The following DEGS2 variants were observed in gnomAD, a reference collection of about 807,000 sequenced individuals.
The protein encoded by DEGS2 is sphingolipid delta(4)-desaturase/C4-monooxygenase DES2.
Under a neutral mutation model 23.8 loss-of-function variants are expected in DEGS2, and 19 were observed. The ratio of observed to expected loss-of-function variants is 0.80; its 90% confidence interval spans 0.56 to 1.17. The LOEUF (loss-of-function observed/expected upper bound fraction) is 1.17, where lower values mean the gene tolerates loss of function less well. DEGS2 is among the 50% of genes most tolerant of loss of function. The pLI, the probability that DEGS2 is intolerant of heterozygous loss-of-function variation, is 0.00. For synonymous variants in DEGS2, 218 were observed against 213.7 expected (o/e 1.02, Z -0.18); for missense variants, 390 against 459.5 (o/e 0.85, Z 1.38).
chr14:100,153,452 TG>T (rs1245324410), intron 1 of DEGS2, among the ~76,000 whole-genome samples: 1 of 152,096 alleles, frequency 6.6e-6, no homozygotes, highest in African/African-American at 2.4e-5. Context: ...TCCATGGCCT[TG>T]GGCCCCATCT....
At chr14:100,163,225 T>G (rs879503345), upstream of DEGS2, among the ~76,000 whole-genome samples, 1 of 152,244 alleles carries the variant, frequency 6.6e-6, no homozygotes, top group Non-Finnish European at 1.5e-5. Context: ...GTGGATTATC[T>G]GAGGTCAGGA....
At chr14:100,152,966 A>G (rs1190683671) in intron 1 of DEGS2, among the ~76,000 whole-genome samples, 1 of 152,158 alleles carries the variant, frequency 6.6e-6, no homozygotes, top group Admixed American at 6.5e-5. Context: ...ATAGATCGAT[A>G]TATCGATTGA....
rs1043804447 is a variant in DEGS2 at position 100,157,947 on chromosome 14, T to A, written c.82+1559A>T. ...TACTACAAATACAAAATTAGCCGGG[T>A]GTGGTGGCGGGTGCCTGTAATCCCA... On this transcript the variant is annotated intron_variant, in intron 1 of 2. Transcript: ENST00000305631. Among the ~76,000 whole-genome samples the A allele has an allele frequency of 1.6e-4, 24 of 150,638 alleles. 1 individual carries two copies. The South Asian group carries it at 5.1e-3, about 32-fold the overall frequency.
chr14:100,166,328 T>A, the DEGS2 span, among the ~76,000 whole-genome samples: 8,292 of 19,950 alleles, frequency 0.42, 1,598 homozygotes, highest in South Asian at 0.44. Context: ...TGCCCGGGGC[T>A]GTGGGGGAGC....
intron 1 of DEGS2, among the ~76,000 whole-genome samples, chr14:100,156,203 G>A (rs1889655054): frequency 6.6e-6 from 1 of 152,268 alleles, no homozygotes; most frequent in African/African-American, 2.4e-5. Context: ...GCTGGGTGGG[G>A]CAGGAGGCTG....
intron 1 of DEGS2, among the ~76,000 whole-genome samples, chr14:100,159,027 G>A (rs1225770837): frequency 6.6e-6 from 1 of 152,162 alleles, no homozygotes; most frequent in Non-Finnish European, 1.5e-5. Flanking sequence ...GCGCTCATCC[G>A]CCCTGAACTC....
upstream of DEGS2, among the ~76,000 whole-genome samples, chr14:100,161,650 G>T (rs563909778): frequency 6.6e-6 from 1 of 152,254 alleles, no homozygotes; most frequent in East Asian, 1.9e-4. Context: ...ATCAATATTG[G>T]TCCATCAAAG....
rs1210911915 is a variant in DEGS2 at position 100,144,079 on chromosome 14, C to T, written c.*2682G>A. The stretch of plus-strand genomic sequence containing the variant: ...GTTTTCTCCCAGGTGACGCTGTTAG[C>T]GCCTCAGCTGGCGGTGACAGCCGGC... On this transcript the variant is annotated 3_prime_UTR_variant, in exon 3 of 3. Transcript: ENST00000305631. The T allele has an allele frequency of 3.1e-5, 11 of 360,548 alleles. No individual in the cohort carries two copies. Among genetic ancestry groups the T allele is most frequent in the East Asian group, 1.2e-4 (2 of 17,004 alleles). 22.3% of individuals were successfully genotyped at this position (360,548 alleles called of 1,614,324 possible). A position where few individuals can be genotyped will look rare whatever the true frequency, so the allele number is the denominator to read the frequency against.
In DEGS2 at chr14:100,149,171, G is replaced by A. The variant is rs1889514126; in HGVS notation, c.622C>T (p.Pro208Ser). The change falls in exon 2 of 3, where the codon CCC (proline) becomes TCC (serine). Residue 208 changes from proline (P) to serine (S), a missense_variant. Physicochemically the swap from Pro to Ser is moderately conservative, Grantham distance 74 (BLOSUM62 -1). Transcript: ENST00000305631. ...LAIFALWGLK[P>S]VVYLLASSFL... ...GAGCTGGCCAGCAGGTAGACCACGG[G>A]CTTGAGCCCCCAAAGGGCAAAGATG... 1.9e-6 allele frequency: 3 copies of A among 1,612,860 alleles called. No individual in the cohort carries two copies. The highest frequency in any genetic ancestry group is 2.5e-6 in the Non-Finnish European group (3 of 1,179,946).
chr14:100,165,185 C>CAT, the DEGS2 span, among the ~76,000 whole-genome samples: 1 of 152,172 alleles, frequency 6.6e-6, no homozygotes, highest in African/African-American at 2.4e-5. Context: ...GGCCAATATT[C>CAT]CCCTGCCCTG....
At position 100,149,276 on chromosome 14, in the gene DEGS2, G is replaced by A. The variant is rs1481154055; in HGVS notation, c.517C>T (p.Arg173Trp). The A allele has an allele frequency of 7.4e-6, 12 of 1,612,728 alleles. No homozygotes were observed. The highest frequency in any genetic ancestry group is 1.3e-5 in the African/African-American group (1 of 74,956). The stretch of plus-strand genomic sequence containing the variant: ...GCCTTGGGGTGGACGCAGAGCGGCC[G>A]TAGTGAGTAGAAGAAGGGCTGCAGC... ...LVLQPFFYSLRPLCVHPKAVT... is the reference protein window; with the variant it reads ...LVLQPFFYSLWPLCVHPKAVT... The change falls in exon 2 of 3, where the codon CGG becomes TGG. Residue 173 changes from arginine to tryptophan, a missense_variant. Coordinates refer to ENST00000305631, the MANE Select transcript of DEGS2 (RefSeq NM_206918.3).
intron 1 of DEGS2, among the ~76,000 whole-genome samples, chr14:100,156,052 C>T (rs930456723): frequency 6.6e-6 from 1 of 152,204 alleles, no homozygotes; most frequent in African/African-American, 2.4e-5. Flanking sequence ...CCGGCAGGAG[C>T]TGGAGATGGA....
the DEGS2 span, among the ~76,000 whole-genome samples, chr14:100,166,285 TGGGGGGAG>T: frequency 1.6e-3 from 45 of 27,700 alleles, 5 homozygotes; most frequent in South Asian, 0.019. Context: ...TCTGGGGGAG[TGGGGGGAG>T]CCTGCCCGGG....
At chr14:100,146,976 A>T in intron 2 of DEGS2, 69 bp from the exon 3 acceptor site, 2 of 1,539,860 alleles carry the variant, frequency 1.3e-6, no homozygotes, top group Non-Finnish European at 1.8e-6. Context: ...ACACACGCAG[A>T]CACCTGAGCA....
At chr14:100,164,106 C>T (rs948682692), upstream of DEGS2, among the ~76,000 whole-genome samples, 23 of 151,842 alleles carry the variant, frequency 1.5e-4, no homozygotes, top group African/African-American at 4.8e-4. Context: ...GTCCCAGGCG[C>T]GATGTAGGAG....
Position 100,145,234 on chromosome 14 carries a change from A to C in DEGS2, c.*1527T>G, listed in dbSNP as rs1387043872. 1.3e-5 allele frequency: 2 copies of C among 152,260 alleles called. No homozygotes were observed. The highest frequency in any genetic ancestry group is 4.8e-5 in the African/African-American group (2 of 41,444). 9.4% of individuals were successfully genotyped at this position (152,260 alleles called of 1,614,324 possible). A position where few individuals can be genotyped will look rare whatever the true frequency, so the allele number is the denominator to read the frequency against. Reference sequence around the variant, plus strand: ...CATGCCCCTTTGCGCTGTCTGCAGAAAAGTGTGCTGAACGAGGCACCCCCT... The same window carrying C: ...CATGCCCCTTTGCGCTGTCTGCAGACAAGTGTGCTGAACGAGGCACCCCCT... On this transcript the variant is annotated 3_prime_UTR_variant, in exon 3 of 3. Coordinates refer to ENST00000305631, the MANE Select transcript of DEGS2 (RefSeq NM_206918.3).
At chr14:100,163,847 G>C (rs1486986267), upstream of DEGS2, among the ~76,000 whole-genome samples, 2 of 152,138 alleles carry the variant, frequency 1.3e-5, no homozygotes, top group Admixed American at 1.3e-4. Flanking sequence ...AGCCTCCTGA[G>C]TAGCTGGGAC....
chr14:100,149,593 C>T lies in DEGS2; in HGVS notation c.200G>A (p.Arg67His), dbSNP rs758978799. Reference protein sequence around the residue: ...ACWLVRGLAWRWLLFWAYAFG... With the variant: ...ACWLVRGLAWHWLLFWAYAFG... ...GGCGTAGGCCCAGAACAGCAGCCAGCGCCAGGCCAGCCCGCGCACCAGCCA... is the reference window on the plus strand; with the variant it reads ...GGCGTAGGCCCAGAACAGCAGCCAGTGCCAGGCCAGCCCGCGCACCAGCCA... Residue 67 changes from arginine to histidine, a missense_variant, in exon 2 of 3, where the codon CGC becomes CAC. Arg to His is a conservative substitution (Grantham distance 29). Transcript: ENST00000305631. 6.8e-6 allele frequency: 11 copies of T among 1,609,544 alleles called. No homozygotes were observed. Among genetic ancestry groups the T allele is most frequent in the Non-Finnish European group, 9.3e-6 (11 of 1,179,068 alleles).
intron 1 of DEGS2, among the ~76,000 whole-genome samples, chr14:100,157,102 C>T (rs1486499392): frequency 6.6e-6 from 1 of 152,194 alleles, no homozygotes; most frequent in Non-Finnish European, 1.5e-5. Flanking sequence ...GAGCTCCTTC[C>T]CCACGTCCTG....
Sources: gnomAD v4.1 joint callset for allele counts (sites outside exome capture counted in the v4.1 genomes callset) on GRCh38, gnomAD v4.1.1 for gene constraint, MANE v1.5 for transcripts, NCBI Gene and HGNC (gene_info 2026-07-23, HGNC 2026-07-21) for gene names.